The following FGD3 variants were observed in gnomAD, a reference collection of about 807,000 sequenced individuals.
The protein encoded by FGD3 is FYVE, RhoGEF and PH domain containing 3, also known as FYVE, RhoGEF and PH domain-containing protein 3.
In FGD3, 45 loss-of-function variants were observed where a neutral mutation model predicts 71.8. The ratio of observed to expected loss-of-function variants is 0.63; its 90% CI spans 0.49 to 0.80. FGD3 has a LOEUF of 0.80. Among genes scored for constraint, FGD3 ranks in the 30% least tolerant of loss-of-function variants. The pLI is 0.00. For missense variants in FGD3, 844 were observed against 951.5 expected (o/e 0.89, Z 1.49); for synonymous variants, 378 against 392.8 (o/e 0.96, Z 0.44).
At chr9:92,978,626 C>T (rs994688464) in intron 3 of FGD3, among the ~76,000 whole-genome samples, 6 of 151,100 alleles carry the variant, frequency 4.0e-5, no homozygotes, top group Non-Finnish European at 8.9e-5. Flanking sequence ...TAAGGCTCCA[C>T]CCCAAGGTGA....
At chr9:93,016,335 CTTTTTTTTT>C (rs71511639) in intron 10 of FGD3, among the ~76,000 whole-genome samples, 2 of 108,500 alleles carry the variant, frequency 1.8e-5, no homozygotes, top group Non-Finnish European at 3.7e-5. Flanking sequence ...GAATGACCTT[CTTTTTTTTT>C]TTTTTTTTTT....
At chr9:93,029,387 G>C (rs1341243492) in intron 14 of FGD3, among the ~76,000 whole-genome samples, 1 of 152,148 alleles carries the variant, frequency 6.6e-6, no homozygotes, top group African/African-American at 2.4e-5. Flanking sequence ...AGGCATGTGG[G>C]TGCACACCTA....
chr9:92,992,548 G>A (rs1369027492), intron 3 of FGD3, among the ~76,000 whole-genome samples: 1 of 152,172 alleles, frequency 6.6e-6, no homozygotes, highest in Non-Finnish European at 1.5e-5. Context: ...AGCTGAAAGT[G>A]TGGCAGTGAG....
rs1269293835 is a variant in FGD3, at chr9:92,976,616, C to A, written c.360C>A (p.Val120=). The A allele has an allele frequency of 1.2e-6, 2 of 1,612,850 alleles. No homozygotes were observed. Among genetic ancestry groups the A allele is most frequent in the Non-Finnish European group, 1.7e-6 (2 of 1,179,916 alleles). ...EMALDSQVPK[V]TPQEEADSDV... is the part of the protein sequence containing the mutation. ...CCCTGGACAGCCAGGTCCCGAAGGTCACCCCCCAGGAGGAGGCGGACAGCG... is the reference window on the plus strand; with the variant it reads ...CCCTGGACAGCCAGGTCCCGAAGGTAACCCCCCAGGAGGAGGCGGACAGCG... The change falls in exon 3 of 18, where the codon GTC becomes GTA. Residue 120 remains valine (V), a synonymous_variant. Transcript: ENST00000375482.
At chr9:93,000,187 T>C (rs1336305707) in intron 3 of FGD3, among the ~76,000 whole-genome samples, 1 of 152,210 alleles carries the variant, frequency 6.6e-6, no homozygotes, top group African/African-American at 2.4e-5. Flanking sequence ...AATAACAACT[T>C]CAATCACATG....
intron 1 of FGD3, chr9:92,974,872 C>G (rs1015946640): frequency 1.3e-5 from 2 of 152,216 alleles, no homozygotes; most frequent in Non-Finnish European, 2.9e-5. Context: ...CCTGGCGATG[C>G]CCACCGGCTC....
In FGD3 at chr9:92,987,364, G is replaced by A. The variant is rs145875791; in HGVS notation, c.453+10655G>A. Among the ~76,000 whole-genome samples the A allele has an allele frequency of 7.3e-3, 1,112 of 151,612 alleles. 12 individuals are homozygous for A. Among genetic ancestry groups the A allele is most frequent in the African/African-American group, 0.022 (923 of 41,322 alleles). On this transcript the variant is annotated intron_variant, in intron 3 of 17. Transcript: ENST00000375482. ...GAAGAATGGTGTGAACCCAGGAGGC[G>A]GAGCTTGCAGAGAGCCGAGATAGTG...
Position 93,015,756 on chromosome 9 carries a change from A to G in FGD3, c.1202A>G (p.Tyr401Cys). The change falls in exon 10 of 18, where the codon TAC (tyrosine) becomes TGC (cysteine). Residue 401 changes from tyrosine to cysteine, a missense_variant. Physicochemically the swap from Tyr to Cys is radical, Grantham distance 194. Coordinates refer to ENST00000375482, the MANE Select transcript of FGD3 (RefSeq NM_001083536.2). The stretch of plus-strand genomic sequence containing the variant: ...TTGCAGTTCAACAGCATGATCCTTT[A>G]CTGTGTGCCCAAGCTGCGGCTCATG... ...HLFLFNSMIL[Y>C]CVPKLRLMGQ... The G allele has an allele frequency of 6.2e-7, 1 of 1,614,122 alleles. No homozygotes were observed. Among genetic ancestry groups the G allele is most frequent in the Non-Finnish European group, 8.5e-7 (1 of 1,180,008 alleles).
chr9:93,022,924 C>T (rs1361819754), intron 14 of FGD3, among the ~76,000 whole-genome samples: 3 of 152,134 alleles, frequency 2.0e-5, no homozygotes, highest in Non-Finnish European at 2.9e-5. Context: ...GGTGCTGCTC[C>T]GGCCAGGCAG....
intron 15 of FGD3, among the ~76,000 whole-genome samples, chr9:93,031,876 CA>C (rs991630281): frequency 6.6e-6 from 1 of 152,062 alleles, no homozygotes; most frequent in African/African-American, 2.4e-5. Context: ...AAGGATCCAG[CA>C]GAGGGAGGGA....
intron 6 of FGD3, among the ~76,000 whole-genome samples, chr9:93,008,957 T>A: frequency 1.6e-5 from 2 of 126,214 alleles, no homozygotes; most frequent in Non-Finnish European, 1.6e-5. Context: ...AGAGCAAGAC[T>A]CCATCAAAAA....
intron 3 of FGD3, among the ~76,000 whole-genome samples, chr9:93,000,335 A>G (rs1587842628): frequency 6.6e-6 from 1 of 152,210 alleles, no homozygotes; most frequent in Non-Finnish European, 1.5e-5. Context: ...AAAGGATAAT[A>G]GTACAAATTA....
intron 3 of FGD3, among the ~76,000 whole-genome samples, chr9:92,981,389 A>G (rs921924099): frequency 6.6e-6 from 1 of 152,004 alleles, no homozygotes; most frequent in African/African-American, 2.4e-5. Context: ...AAAAAAGAAA[A>G]AAAAGAAAGA....
chr9:92,959,401 T>C (rs1280908736), intron 1 of FGD3, among the ~76,000 whole-genome samples: 1 of 152,134 alleles, frequency 6.6e-6, no homozygotes, highest in Non-Finnish European at 1.5e-5. Context: ...TGTTGGACCT[T>C]CAGCACATCT....
At chr9:92,966,949 T>G (rs950785690) in intron 1 of FGD3, among the ~76,000 whole-genome samples, 1 of 151,906 alleles carries the variant, frequency 6.6e-6, no homozygotes, top group Non-Finnish European at 1.5e-5. Flanking sequence ...CATAGCACTT[T>G]CATCTTTTTT....
In FGD3 at chr9:93,034,589, CG is replaced by C; in HGVS notation, c.1836del (p.Leu613CysfsTer45). 3.7e-6 allele frequency: 6 copies of C among 1,613,448 alleles called. No homozygotes were observed. Among genetic ancestry groups the C allele is most frequent in the Non-Finnish European group, 5.1e-6 (6 of 1,179,830 alleles). On this transcript the variant is annotated frameshift_variant, in exon 17 of 18. Transcript: ENST00000375482. LOFTEE classifies it high-confidence loss of function. ...GCCCAGCCTGCTCTGCGGCCCCCTG[CG>C]GCTGTCAGAGAGCGGTGAGACCTGG... is the stretch of plus-strand genomic sequence containing the variant. ...PQPSLLCGPL[R>X]LSESGETWSE... is the part of the protein sequence containing the mutation.
At chr9:92,974,591 A>T (rs1859653750) in intron 1 of FGD3, 1 of 152,306 alleles carries the variant, frequency 6.6e-6, no homozygotes, top group Non-Finnish European at 1.5e-5. Context: ...CCCTGCCCAG[A>T]GGCACACCTG....
At position 93,034,687 on chromosome 9, in the gene FGD3, T is replaced by C. The variant is rs1460621482; in HGVS notation, c.1926+6T>C. The C allele has an allele frequency of 6.2e-7, 1 of 1,611,282 alleles. No homozygotes were observed. Among genetic ancestry groups the C allele is most frequent in the African/African-American group, 1.3e-5 (1 of 74,804 alleles). The stretch of plus-strand genomic sequence containing the variant: ...ACCTGCAGGGAGGCAGCCAGGTACG[T>C]GTCCCCACCCCACCAGGCCCTCAGG... On this transcript the variant is annotated splice_donor_region_variant and intron_variant, in intron 17 of 17. Coordinates refer to ENST00000375482, the MANE Select transcript of FGD3 (RefSeq NM_001083536.2).
At chr9:92,973,597 C>A (rs1859616707) in intron 1 of FGD3, among the ~76,000 whole-genome samples, 1 of 152,226 alleles carries the variant, frequency 6.6e-6, no homozygotes, top group African/African-American at 2.4e-5. Flanking sequence ...GCAGTGATCA[C>A]TGCAGGGCTA....
Sources: allele counts gnomAD v4.1 joint callset (sites outside exome capture counted in the v4.1 genomes callset), GRCh38; gene constraint gnomAD v4.1.1; transcripts MANE v1.5; gene names NCBI Gene and HGNC (gene_info 2026-07-23, HGNC 2026-07-21).